USP38: variants seen among roughly 807,000 people sequenced by gnomAD.
USP38 encodes the protein ubiquitin specific peptidase 38.
USP38 carries 49 observed loss-of-function variants against 94.3 expected under a neutral mutation model. The observed-to-expected ratio is 0.52, with a 90% CI of 0.41 to 0.66. The LOEUF (loss-of-function observed/expected upper bound fraction) is 0.66. Ranked by LOEUF, USP38 falls within the 30% of genes least tolerant of loss-of-function variation. USP38 has a pLI of 0.00. For missense variants in USP38, 1,128 were observed against 1,229.4 expected, an observed-to-expected ratio of 0.92 and a Z score of 1.23; for synonymous variants, 468 against 463.6, an observed-to-expected ratio of 1.01 and a Z score of -0.12.
intron 9 of USP38, among the ~76,000 whole-genome samples, chr4:143,217,693 A>G (rs1334255973): frequency 6.6e-6 from 1 of 152,122 alleles, no homozygotes. Flanking sequence ...TCATTTTTCA[A>G]TTTTAAATCT....
chr4:143,203,111 A>G (rs533924570), intron 4 of USP38, among the ~76,000 whole-genome samples: 1 of 152,168 alleles, frequency 6.6e-6, no homozygotes, highest in East Asian at 1.9e-4. Context: ...AACCTACAGC[A>G]TTTTTCAGAA....
Position 143,221,968 on chromosome 4 carries a change from T to C in USP38, c.*1512T>C, listed in dbSNP as rs898260735. 6.9e-5 allele frequency: 10 copies of C among 145,370 alleles called. No homozygotes were observed. The highest frequency in any genetic ancestry group is 2.6e-4 in the African/African-American group (9 of 35,064). 9.0% of individuals were successfully genotyped at this position (145,370 alleles called of 1,614,324 possible). On this transcript the variant is annotated 3_prime_UTR_variant, in exon 10 of 10. Coordinates refer to ENST00000307017, the MANE Select transcript of USP38 (RefSeq NM_032557.6). ...CAGATTTAATGAAGGTTCTCCTCCT[T>C]ATAAATGAATGAACCAGTTATCATG...
rs1732342318 is a variant in USP38 at position 143,222,215 on chromosome 4, A to T, written c.*1759A>T. ...TTGTGCAGCTTTATCTATGAATATCAGGTCTCTCAAGGATTTTATGTATCA... is the reference window on the plus strand; with the variant it reads ...TTGTGCAGCTTTATCTATGAATATCTGGTCTCTCAAGGATTTTATGTATCA... On this transcript the variant is annotated 3_prime_UTR_variant, in exon 10 of 10. Transcript: ENST00000307017. 1 of 152,038 alleles carries T rather than the reference A, an allele frequency of 6.6e-6. No individual in the cohort carries two copies. The highest frequency in any genetic ancestry group is 1.5e-5 in the Non-Finnish European group (1 of 67,956). The allele number at this position is 152,038 out of a possible 1,614,324, so 9.4% of individuals were successfully genotyped here.
In USP38 at chr4:143,185,253, G is replaced by A; in HGVS notation, c.-198G>A. On this transcript the variant is annotated 5_prime_UTR_variant, in exon 1 of 10. Coordinates refer to ENST00000307017, the MANE Select transcript of USP38 (RefSeq NM_032557.6). Reference sequence around the variant, plus strand: ...AGGTGTCGGTTCTTAGGCTCTCCAGGCTCGCTAGCTCCCGCCCCGGCTTGG... The same window carrying A: ...AGGTGTCGGTTCTTAGGCTCTCCAGACTCGCTAGCTCCCGCCCCGGCTTGG... 1 of 632,704 alleles carries A rather than the reference G, an allele frequency of 1.6e-6. No homozygotes were observed. Among genetic ancestry groups the A allele is most frequent in the Admixed American group, 3.2e-5 (1 of 30,792 alleles). The allele number at this position is 632,704 out of a possible 1,614,324, so 39.2% of individuals were successfully genotyped here. A position where few individuals can be genotyped will look rare whatever the true frequency, so the allele number is the denominator to read the frequency against.
At chr4:143,217,885 G>A (rs1165539058) in intron 9 of USP38, among the ~76,000 whole-genome samples, 1 of 151,980 alleles carries the variant, frequency 6.6e-6, no homozygotes, top group Non-Finnish European at 1.5e-5. Context: ...TTTTTGAAAG[G>A]ACTTTTCTCT....
chr4:143,195,672 A>G, intron 2 of USP38, 44 bp from the exon 3 acceptor site: 1 of 1,551,560 alleles, frequency 6.4e-7, no homozygotes, highest in Non-Finnish European at 8.7e-7. Flanking sequence ...TAACTAAATG[A>G]AAATATTTTC....
rs772969433 is a variant in USP38, at chr4:143,214,189, A to G, written c.2213A>G (p.Tyr738Cys). The G allele has an allele frequency of 1.2e-6, 2 of 1,613,612 alleles. No individual in the cohort carries two copies. Among genetic ancestry groups the G allele is most frequent in the East Asian group, 4.5e-5 (2 of 44,838 alleles). ...ATTCTTACTGGTGATAACCAATATT[A>G]TTGTGAAAACTGTGCCTCTCTGCAA... ...PEILTGDNQY[Y>C]CENCASLQNA... is the part of the protein sequence containing the mutation. The change falls in exon 9 of 10, where the codon TAT (tyrosine) becomes TGT (cysteine). Residue 738 changes from tyrosine to cysteine, a missense_variant. Coordinates refer to ENST00000307017, the MANE Select transcript of USP38 (RefSeq NM_032557.6).
intron 2 of USP38, 85 bp downstream of exon 2, chr4:143,188,046 C>G: frequency 7.1e-7 from 1 of 1,403,434 alleles, no homozygotes. Context: ...GAAAAACTTA[C>G]GAATGTTTAA....
chr4:143,197,298 A>G (rs1302162226), intron 3 of USP38, among the ~76,000 whole-genome samples: 2 of 152,178 alleles, frequency 1.3e-5, no homozygotes, highest in African/African-American at 2.4e-5. Flanking sequence ...ATTGAACGCT[A>G]TATAAAACAG....
At chr4:143,191,113 G>C (rs1731385519) in intron 2 of USP38, among the ~76,000 whole-genome samples, 1 of 152,034 alleles carries the variant, frequency 6.6e-6, no homozygotes, top group African/African-American at 2.4e-5. Flanking sequence ...AACTGAAAGG[G>C]ATAGTGATAT....
Position 143,213,801 on chromosome 4 carries a change from A to C in USP38, c.1825A>C (p.Lys609Gln). 6.2e-7 allele frequency: 1 copy of C among 1,613,830 alleles called. No homozygotes were observed. Among genetic ancestry groups the C allele is most frequent in the Non-Finnish European group, 8.5e-7 (1 of 1,179,854 alleles). Reference protein sequence around the residue: ...RCLNCRSTSQKVEAFTDLSLA... With the variant: ...RCLNCRSTSQQVEAFTDLSLA... ...TTTGAACTGCAGGAGTACCTCACAA[A>C]AAGTGGAAGCCTTTACAGATCTTTC... Residue 609 changes from lysine to glutamine, a missense_variant, in exon 9 of 10, where the codon AAA (lysine) becomes CAA (glutamine). Lys to Gln is a moderately conservative substitution (Grantham distance 53). Coordinates refer to ENST00000307017, the MANE Select transcript of USP38 (RefSeq NM_032557.6).
chr4:143,210,007 TATTAA>T lies in USP38; in HGVS notation c.1497+355_1497+359del, dbSNP rs1236909368. 2.6e-5 allele frequency among the ~76,000 whole-genome samples: 4 copies of T among 152,230 alleles called. No individual in the cohort carries two copies. The South Asian group carries it at 8.3e-4, about 31-fold the overall frequency. On this transcript the variant is annotated intron_variant, in intron 7 of 9. Coordinates refer to ENST00000307017, the MANE Select transcript of USP38 (RefSeq NM_032557.6). Reference sequence around the variant, plus strand: ...TTTTAAGTGCATCTTTGTTTCCTGATATTAAATTAGTAGATTTGTACAATAATGAG... The same window carrying T: ...TTTTAAGTGCATCTTTGTTTCCTGATATTAGTAGATTTGTACAATAATGAG...
intron 7 of USP38, 122 bp downstream of exon 7, chr4:143,209,779 A>G (rs1731974564): frequency 6.8e-6 from 4 of 589,042 alleles, no homozygotes; most frequent in Non-Finnish European, 1.1e-5. Flanking sequence ...ACCCAGTATA[A>G]CAAATCCACT....
chr4:143,197,977 A>T, intron 4 of USP38, 53 bp downstream of exon 4: 13 of 1,325,646 alleles, frequency 9.8e-6, no homozygotes, highest in South Asian at 1.3e-5. Context: ...TTGAAAATTT[A>T]GTTTAATATT....
chr4:143,187,644 C>T (rs1027873150), intron 1 of USP38, among the ~76,000 whole-genome samples, 182 bp from the exon 2 acceptor site: 10 of 152,110 alleles, frequency 6.6e-5, no homozygotes, highest in African/African-American at 2.4e-4. Context: ...CACTCCTAAT[C>T]TTTCATTCCT....
At chr4:143,216,274 A>T (rs1456768568) in intron 9 of USP38, among the ~76,000 whole-genome samples, 1 of 152,118 alleles carries the variant, frequency 6.6e-6, no homozygotes, top group East Asian at 1.9e-4. Flanking sequence ...AAAAAGCATT[A>T]TGTATTTTGT....
At chr4:143,210,781 G>A (rs1429344835) in intron 7 of USP38, among the ~76,000 whole-genome samples, 1 of 151,864 alleles carries the variant, frequency 6.6e-6, no homozygotes, top group Non-Finnish European at 1.5e-5. Flanking sequence ...AGAATTGATG[G>A]GGTTCAGTTG....
intron 1 of USP38, 70 bp from the exon 2 acceptor site, chr4:143,187,756 A>G: frequency 7.0e-7 from 1 of 1,435,452 alleles, no homozygotes; most frequent in Non-Finnish European, 9.2e-7. Flanking sequence ...TTTTTTTTGT[A>G]AAGTGTTGTT....
At chr4:143,186,275 T>G in intron 1 of USP38, 143 bp downstream of exon 1, 1 of 788,054 alleles carries the variant, frequency 1.3e-6, no homozygotes, top group Non-Finnish European at 2.0e-6. Flanking sequence ...CCAAATTTAT[T>G]CACATTCACT....
Sources: gnomAD v4.1 joint callset for allele counts (sites outside exome capture counted in the v4.1 genomes callset) on GRCh38, gnomAD v4.1.1 for gene constraint, MANE v1.5 for transcripts, NCBI Gene and HGNC (gene_info 2026-07-23, HGNC 2026-07-21) for gene names.